The following ZMIZ1 variants were observed in gnomAD, a reference collection of about 807,000 sequenced individuals.
ZMIZ1 encodes the protein zinc finger MIZ domain-containing protein 1.
In ZMIZ1, 17 loss-of-function variants were observed where a neutral mutation model predicts 113.9. The observed-to-expected ratio is 0.15, with a 90% CI of 0.10 to 0.22. The LOEUF (loss-of-function observed/expected upper bound fraction) is 0.22, where lower values mean the gene tolerates loss of function less well. ZMIZ1 is among the 10% of genes least tolerant of loss of function. The pLI is 1.00. For synonymous variants in ZMIZ1, 607 were observed against 603.1 expected, an observed-to-expected ratio of 1.01 and a Z score of -0.09; for missense variants, 1,059 against 1,477.8, an observed-to-expected ratio of 0.72 and a Z score of 4.65.
chr10:79,123,828 A>C (rs1203719468), intron 2 of ZMIZ1, among the ~76,000 whole-genome samples: 1 of 152,186 alleles, frequency 6.6e-6, no homozygotes, highest in Non-Finnish European at 1.5e-5. Context: ...AAGACCTTGA[A>C]TGCCAAGCCC....
At chr10:79,306,645 C>T (rs1330141461) in intron 22 of ZMIZ1, among the ~76,000 whole-genome samples, 1 of 152,178 alleles carries the variant, frequency 6.6e-6, no homozygotes, top group Admixed American at 6.5e-5. Context: ...CTACATTTCC[C>T]CTGCAACTTT....
rs759887430 is a variant in ZMIZ1, at chr10:79,299,046, C to A, written c.1667-4C>A. ...GGCTCACCCACCTCCTCTCCTCGCC[C>A]CAGCCAACCACAATGACGAGCTGCG... On this transcript the variant is annotated splice_polypyrimidine_tract_variant and splice_region_variant and intron_variant, in intron 15 of 24. Transcript: ENST00000334512. 2 of 1,606,054 alleles carry A rather than the reference C, an allele frequency of 1.2e-6. No individual in the cohort carries two copies. The highest frequency in any genetic ancestry group is 2.2e-5 in the East Asian group (1 of 44,794).
intron 4 of ZMIZ1, among the ~76,000 whole-genome samples, chr10:79,164,849 G>T (rs929026354): frequency 5.9e-5 from 9 of 152,174 alleles, no homozygotes; most frequent in African/African-American, 1.9e-4. Flanking sequence ...GGCTCTCCAG[G>T]ATGGTTACTG....
At chr10:79,092,785 G>T (rs553193721) in intron 1 of ZMIZ1, among the ~76,000 whole-genome samples, 1 of 152,170 alleles carries the variant, frequency 6.6e-6, no homozygotes, top group Non-Finnish European at 1.5e-5. Flanking sequence ...AGTGATGCTC[G>T]TGGCTCTTTG....
At chr10:79,292,861 G>C in intron 11 of ZMIZ1, 1 of 463,002 alleles carries the variant, frequency 2.2e-6, no homozygotes, top group Admixed American at 2.3e-5. Flanking sequence ...TGCAGAACAG[G>C]AGGTGAGGAG....
intron 4 of ZMIZ1, among the ~76,000 whole-genome samples, chr10:79,179,484 C>G (rs927588551): frequency 6.6e-6 from 1 of 152,270 alleles, no homozygotes; most frequent in Non-Finnish European, 1.5e-5. Context: ...TGGGGCACCA[C>G]GCCTCTTCCA....
chr10:79,090,603 A>G (rs1274800663), intron 1 of ZMIZ1, among the ~76,000 whole-genome samples: 1 of 152,158 alleles, frequency 6.6e-6, no homozygotes, highest in African/African-American at 2.4e-5. Flanking sequence ...AGAACAATGA[A>G]GCCATGTGCT....
intron 7 of ZMIZ1, among the ~76,000 whole-genome samples, chr10:79,228,105 G>C (rs950217496): frequency 6.6e-6 from 1 of 152,240 alleles, no homozygotes; most frequent in African/African-American, 2.4e-5. Flanking sequence ...CAGCAGCCCA[G>C]CTCAAAATTA....
intron 3 of ZMIZ1, among the ~76,000 whole-genome samples, chr10:79,152,234 C>T (rs1256952445): frequency 6.6e-6 from 1 of 152,222 alleles, no homozygotes; most frequent in Non-Finnish European, 1.5e-5. Context: ...TACAGTGGCT[C>T]ACACCTGTAA....
At position 79,306,157 on chromosome 10, in the gene ZMIZ1, C is replaced by G. The variant is rs1310719956; in HGVS notation, c.2481C>G (p.Ile827Met). The G allele has an allele frequency of 5.0e-6, 8 of 1,614,092 alleles. No homozygotes were observed. The highest frequency in any genetic ancestry group is 6.8e-6 in the Non-Finnish European group (8 of 1,180,024). Residue 827 changes from isoleucine to methionine, a missense_variant, in exon 22 of 25, where the codon ATC (isoleucine) becomes ATG (methionine). This residue lies in a region of ZMIZ1 where 217 missense variants were observed against 426.9 expected (regional missense o/e 0.51). Coordinates refer to ENST00000334512, the MANE Select transcript of ZMIZ1 (RefSeq NM_020338.4). ...DPTCSWRPVP[I>M]KSDLHIKDDP... ...CGTGCAGCTGGCGGCCGGTGCCCAT[C>G]AAGTCGGACTTACACATCAAGGACG...
chr10:79,235,536 T>A (rs1295701557), intron 7 of ZMIZ1, among the ~76,000 whole-genome samples: 1 of 152,184 alleles, frequency 6.6e-6, no homozygotes, highest in Admixed American at 6.5e-5. Flanking sequence ...ATGCCTCAGG[T>A]GACAGGCTGC....
At chr10:79,155,817 A>C (rs1845883307) in intron 3 of ZMIZ1, among the ~76,000 whole-genome samples, 3 of 152,214 alleles carry the variant, frequency 2.0e-5, no homozygotes, top group Admixed American at 2.0e-4. Context: ...TCTTCTCCCT[A>C]AAAGCCTCTG....
At chr10:79,181,469 C>T (rs993087623) in intron 4 of ZMIZ1, among the ~76,000 whole-genome samples, 3 of 152,202 alleles carry the variant, frequency 2.0e-5, no homozygotes, top group Non-Finnish European at 4.4e-5. Flanking sequence ...CTCCTTGGGG[C>T]GGAGGCATCC....
chr10:79,175,733 C>T (rs1010120680), intron 4 of ZMIZ1, among the ~76,000 whole-genome samples: 1 of 151,858 alleles, frequency 6.6e-6, no homozygotes, highest in Non-Finnish European at 1.5e-5. Flanking sequence ...GGTTCCTCCC[C>T]ACTCCCCATG....
rs550064279 is a variant in ZMIZ1, at chr10:79,288,517, CACATACGCACA to C, written c.426-1257_426-1247del. Among the ~76,000 whole-genome samples the C allele has an allele frequency of 9.7e-3, 1,474 of 151,490 alleles. 29 individuals carry two copies. Among genetic ancestry groups the C allele is most frequent in the African/African-American group, 0.033 (1,365 of 40,778 alleles). ...TTCTCCCAATTTCCCTCCCCCAACA[CACATACGCACA>C]CACACATACACACACACACACCCTG... is the stretch of plus-strand genomic sequence containing the variant. On this transcript the variant is annotated intron_variant, in intron 8 of 24. Coordinates refer to ENST00000334512, the MANE Select transcript of ZMIZ1 (RefSeq NM_020338.4).
intron 1 of ZMIZ1, among the ~76,000 whole-genome samples, chr10:79,111,397 T>G (rs1465467554): frequency 6.6e-6 from 1 of 152,156 alleles, no homozygotes; most frequent in Non-Finnish European, 1.5e-5. Context: ...GACAGAAGTG[T>G]GTGGGCAAAA....
chr10:79,277,118 G>T (rs59996693), intron 7 of ZMIZ1, 63 bp from the exon 8 acceptor site: 5 of 1,446,864 alleles, frequency 3.5e-6, no homozygotes, highest in East Asian at 5.4e-5. Context: ...GAGTTGGGGG[G>T]GGGTCTTGGT....
chr10:79,251,585 A>G (rs145954346), intron 7 of ZMIZ1, among the ~76,000 whole-genome samples: 4 of 152,266 alleles, frequency 2.6e-5, no homozygotes, highest in Middle Eastern at 3.4e-3. Context: ...AACTGGTAGA[A>G]CATGCAGAAT....
intron 8 of ZMIZ1, among the ~76,000 whole-genome samples, chr10:79,278,767 A>G (rs1012903772): frequency 2.0e-5 from 3 of 152,022 alleles, no homozygotes; most frequent in African/African-American, 4.8e-5. Flanking sequence ...AAGGTTATAG[A>G]TTAACAGCAT....
Sources: allele counts gnomAD v4.1 joint callset (sites outside exome capture counted in the v4.1 genomes callset), GRCh38; gene constraint gnomAD v4.1.1; regional missense constraint gnomAD v4.1.1; transcripts MANE v1.5; gene names NCBI Gene and HGNC (gene_info 2026-07-23, HGNC 2026-07-21).